MAP3K8: variants seen among roughly 807,000 people sequenced by gnomAD.
MAP3K8 encodes the protein Ewing sarcoma transformant.
MAP3K8 carries 22 observed loss-of-function variants against 45.8 expected under a neutral mutation model. The ratio of observed to expected loss-of-function variants is 0.48; its 90% CI spans 0.34 to 0.69. The LOEUF (loss-of-function observed/expected upper bound fraction) is 0.69, where lower values mean the gene tolerates loss of function less well. Ranked by LOEUF, MAP3K8 falls within the 30% of genes least tolerant of loss-of-function variation. The pLI, the probability that MAP3K8 is intolerant of heterozygous loss-of-function variation, is 0.01. For missense variants in MAP3K8, 419 were observed against 585.0 expected, an observed-to-expected ratio of 0.72 and a Z score of 2.93; for synonymous variants, 223 against 214.3, an observed-to-expected ratio of 1.04 and a Z score of -0.36.
At chr10:30,454,750 CT>C (rs78681596) in intron 6 of MAP3K8, among the ~76,000 whole-genome samples, 9 of 149,750 alleles carry the variant, frequency 6.0e-5, no homozygotes, top group Non-Finnish European at 4.5e-5. Context: ...GGAAGCTGTA[CT>C]TTTTTTTTTT....
intron 7 of MAP3K8, 42 bp downstream of exon 7, chr10:30,458,278 C>A (rs1421932190): frequency 3.1e-6 from 3 of 975,614 alleles, no homozygotes; most frequent in African/African-American, 1.8e-5. Flanking sequence ...CGGGGGGGGG[C>A]GTTGAGTTAT....
At position 30,458,275 on chromosome 10, in the gene MAP3K8, G is replaced by A. The variant is rs8177026; in HGVS notation, c.1026+39G>A. 9.0e-3 allele frequency: 12,255 copies of A among 1,355,922 alleles called. 1,441 individuals are homozygous for A. Among genetic ancestry groups the A allele is most frequent in the Non-Finnish European group, 9.2e-3 (9,423 of 1,019,664 alleles). The allele number at this position is 1,355,922 out of a possible 1,614,324, so 84.0% of individuals were successfully genotyped here. A position where few individuals can be genotyped will look rare whatever the true frequency, so the allele number is the denominator to read the frequency against. On this transcript the variant is annotated intron_variant, in intron 7 of 8. Transcript: ENST00000263056. ...AACCAGGGCTGGGGGCGGCGGGGGG[G>A]GGCGTTGAGTTATGCATCCCGCAGG... is the stretch of plus-strand genomic sequence containing the variant.
Position 30,437,221 on chromosome 10 carries a change from A to G in MAP3K8, c.-209A>G, listed in dbSNP as rs1055060615. ...AGAAGCCAGGGGAATAGGTAGCCAC[A>G]TCTTGTTTGCAGATAAGAAAGGAAG... On this transcript the variant is annotated 5_prime_UTR_variant, in exon 2 of 9. Transcript: ENST00000263056. 2.0e-5 allele frequency: 20 copies of G among 985,188 alleles called. No homozygotes were observed. In the Admixed American group the frequency reaches 3.1e-4, roughly 15 times the overall value. 61.0% of individuals were successfully genotyped at this position (985,188 alleles called of 1,614,324 possible).
At chr10:30,449,159 G>A (rs1269523826) in intron 4 of MAP3K8, among the ~76,000 whole-genome samples, 5 of 152,214 alleles carry the variant, frequency 3.3e-5, no homozygotes, top group Non-Finnish European at 7.3e-5. Context: ...TGGATGTCAG[G>A]ATGGTGGGTA....
In MAP3K8 at chr10:30,439,069, C is replaced by T. The variant is rs1462185869; in HGVS notation, c.131C>T (p.Pro44Leu). The T allele has an allele frequency of 1.2e-6, 2 of 1,614,062 alleles. No homozygotes were observed. The highest frequency in any genetic ancestry group is 1.7e-5 in the Admixed American group (1 of 60,018). The change falls in exon 3 of 9, where the codon CCC becomes CTC. Residue 44 changes from proline to leucine, a missense_variant. This residue lies in a region of MAP3K8 where 102 missense variants were observed against 93.5 expected (regional missense o/e 1.09). Transcript: ENST00000263056. Reference sequence around the variant, plus strand: ...AGTGAAGAGCCAGCAGTTTATGAACCCAGTCTAATGACCATGTGTCAAGAC... The same window carrying T: ...AGTGAAGAGCCAGCAGTTTATGAACTCAGTCTAATGACCATGTGTCAAGAC... ...YASEEPAVYE[P>L]SLMTMCQDSN...
intron 7 of MAP3K8, among the ~76,000 whole-genome samples, chr10:30,458,906 C>T (rs905045282): frequency 1.3e-5 from 2 of 152,046 alleles, no homozygotes; most frequent in East Asian, 1.9e-4. Context: ...AAGACCCCAT[C>T]GCTACAAAAA....
At chr10:30,444,631 TC>T (rs2132797529) in intron 3 of MAP3K8, among the ~76,000 whole-genome samples, 1 of 152,214 alleles carries the variant, frequency 6.6e-6, no homozygotes, top group East Asian at 1.9e-4. Context: ...TGAAAGCTGG[TC>T]CCCAGAATCT....
chr10:30,434,319 CG>C lies in MAP3K8; in HGVS notation c.-313del, dbSNP rs892742833. The C allele has an allele frequency of 1.9e-5, 7 of 376,222 alleles. No homozygotes were observed. The highest frequency in any genetic ancestry group is 2.6e-5 in the Non-Finnish European group (7 of 273,038). 23.3% of individuals were successfully genotyped at this position (376,222 alleles called of 1,614,324 possible). ...CACAGGCCTGCAGCCAGCATCGCAC[CG>C]AACCTTCGGGGGGCCGCGGCTGGAG... is the stretch of plus-strand genomic sequence containing the variant. On this transcript the variant is annotated 5_prime_UTR_variant, in exon 1 of 9. Coordinates refer to ENST00000263056, the MANE Select transcript of MAP3K8 (RefSeq NM_005204.4).
At position 30,439,056 on chromosome 10, in the gene MAP3K8, G is replaced by C. The variant is rs539535216; in HGVS notation, c.118G>C (p.Ala40Pro). The C allele has an allele frequency of 6.2e-6, 10 of 1,614,174 alleles. No homozygotes were observed. Among genetic ancestry groups the C allele is most frequent in the Non-Finnish European group, 8.5e-6 (10 of 1,180,002 alleles). ...MENLYASEEPAVYEPSLMTMC... is the reference protein window; with the variant it reads ...MENLYASEEPPVYEPSLMTMC... Reference sequence around the variant, plus strand: ...AAATCTTTATGCAAGTGAAGAGCCAGCAGTTTATGAACCCAGTCTAATGAC... The same window carrying C: ...AAATCTTTATGCAAGTGAAGAGCCACCAGTTTATGAACCCAGTCTAATGAC... The change falls in exon 3 of 9, where the codon GCA becomes CCA. Residue 40 changes from alanine (A) to proline (P), a missense_variant. By Grantham distance (27) the Ala-to-Pro change is conservative (BLOSUM62 -1). Around this residue, in one of 3 missense-constraint regions of MAP3K8, gnomAD observed 102 missense variants for 93.5 expected, o/e 1.09. Transcript: ENST00000263056.
intron 6 of MAP3K8, among the ~76,000 whole-genome samples, chr10:30,457,502 AT>A (rs1836777586): frequency 6.6e-6 from 1 of 152,224 alleles, no homozygotes; most frequent in Admixed American, 6.5e-5. Context: ...TCATTTAAAT[AT>A]AAAAGGAATT....
At chr10:30,439,421 T>A in intron 3 of MAP3K8, 147 bp downstream of exon 3, 1 of 1,362,876 alleles carries the variant, frequency 7.3e-7, no homozygotes, top group Non-Finnish European at 9.7e-7. Flanking sequence ...AGTACTTCCA[T>A]GTTAAAGATG....
rs8177036 is a variant in MAP3K8 at position 30,461,715 on chromosome 10, T to C, written c.*879T>C. On this transcript the variant is annotated 3_prime_UTR_variant, in exon 9 of 9. Coordinates refer to ENST00000263056, the MANE Select transcript of MAP3K8 (RefSeq NM_005204.4). ...TTCATACATATATATATTTGTAACA[T>C]TGTAAAGTATGTGAGTAGTCTTATG... 1,770 of 184,952 alleles carry C rather than the reference T, an allele frequency of 9.6e-3. 14 individuals are homozygous for C. The highest frequency in any genetic ancestry group is 0.011 in the Non-Finnish European group (990 of 87,362). 11.5% of individuals were successfully genotyped at this position (184,952 alleles called of 1,614,324 possible). A position where few individuals can be genotyped will look rare whatever the true frequency, so the allele number is the denominator to read the frequency against.
chr10:30,451,093 C>CA (rs56773403), intron 5 of MAP3K8, among the ~76,000 whole-genome samples: 1,043 of 52,558 alleles, frequency 0.02, 10 homozygotes, highest in African/African-American at 0.042. Flanking sequence ...AACTCCGTCT[C>CA]AAAAAAAAAA....
intron 6 of MAP3K8, among the ~76,000 whole-genome samples, chr10:30,453,831 G>C (rs943335968): frequency 6.7e-6 from 1 of 149,930 alleles, no homozygotes; most frequent in African/African-American, 2.5e-5. Context: ...CTGGGGGTTC[G>C]AGACCAGCCT....
intron 4 of MAP3K8, among the ~76,000 whole-genome samples, chr10:30,449,561 AC>A (rs1258201761): frequency 6.6e-6 from 1 of 152,132 alleles, no homozygotes; most frequent in African/African-American, 2.4e-5. Context: ...AAATACACTC[AC>A]TTTTGATTTA....
In MAP3K8 at chr10:30,437,421, T is replaced by TA. The variant is rs1193980786; in HGVS notation, c.-24+16dup. 24 of 551,958 alleles carry TA rather than the reference T, an allele frequency of 4.3e-5. No homozygotes were observed. The highest frequency in any genetic ancestry group is 5.5e-5 in the Non-Finnish European group (24 of 434,036). 34.2% of individuals were successfully genotyped at this position (551,958 alleles called of 1,614,324 possible). A position where few individuals can be genotyped will look rare whatever the true frequency, so the allele number is the denominator to read the frequency against. The stretch of plus-strand genomic sequence containing the variant: ...CACCTCATGAGGTAGGTGCTGTTAT[T>TA]ACTTCCATTTTACAGATGGGGAAAA... On this transcript the variant is annotated intron_variant, in intron 2 of 8. Coordinates refer to ENST00000263056, the MANE Select transcript of MAP3K8 (RefSeq NM_005204.4).
In MAP3K8 at chr10:30,461,241, G is replaced by A. The variant is rs1403465405; in HGVS notation, c.*405G>A. 3 of 225,770 alleles carry A rather than the reference G, an allele frequency of 1.3e-5. No individual in the cohort carries two copies. Among genetic ancestry groups the A allele is most frequent in the Non-Finnish European group, 2.6e-5 (3 of 113,900 alleles). The allele number at this position is 225,770 out of a possible 1,614,324, so 14.0% of individuals were successfully genotyped here. On this transcript the variant is annotated 3_prime_UTR_variant, in exon 9 of 9. Coordinates refer to ENST00000263056, the MANE Select transcript of MAP3K8 (RefSeq NM_005204.4). ...ATTTTACTCAGAATAGCTGTTTTGTGTATATTGGTGTATATTATATAACTC... is the reference window on the plus strand; with the variant it reads ...ATTTTACTCAGAATAGCTGTTTTGTATATATTGGTGTATATTATATAACTC...
chr10:30,437,699 C>T (rs1035288326), intron 2 of MAP3K8, among the ~76,000 whole-genome samples: 3 of 152,202 alleles, frequency 2.0e-5, no homozygotes, highest in African/African-American at 4.8e-5. Context: ...CTGGGTCATG[C>T]GTGCAGGTGG....
chr10:30,458,264 G>T, intron 7 of MAP3K8, 28 bp downstream of exon 7: 1 of 1,310,232 alleles, frequency 7.6e-7, no homozygotes, highest in South Asian at 1.6e-5. Context: ...AGGGCTGGGG[G>T]CGGCGGGGGG....
Sources: gnomAD v4.1 joint callset for allele counts (sites outside exome capture counted in the v4.1 genomes callset) on GRCh38, gnomAD v4.1.1 for gene constraint, gnomAD v4.1.1 regional missense constraint, MANE v1.5 for transcripts, NCBI Gene and HGNC (gene_info 2026-07-23, HGNC 2026-07-21) for gene names.